RBFOX3: variants seen among roughly 807,000 people sequenced by gnomAD.
RBFOX3 encodes the protein RNA binding fox-1 homolog 3, also known as RNA binding protein fox-1 homolog 3.
A neutral mutation model predicts 48.7 loss-of-function variants in RBFOX3; 17 were observed. The ratio of observed to expected loss-of-function variants is 0.35; its 90% CI spans 0.24 to 0.52. The LOEUF (loss-of-function observed/expected upper bound fraction) is 0.52, where lower values mean the gene tolerates loss of function less well. RBFOX3 is among the 20% of genes least tolerant of loss of function. RBFOX3 has a pLI of 0.94. For missense variants in RBFOX3, 382 were observed against 497.5 expected, an observed-to-expected ratio of 0.77 and a Z score of 2.21; for synonymous variants, 212 against 209.5, an observed-to-expected ratio of 1.01 and a Z score of -0.10.
intron 1 of RBFOX3, among the ~76,000 whole-genome samples, chr17:79,522,718 T>C (rs2086275551): frequency 6.6e-6 from 1 of 151,644 alleles, no homozygotes; most frequent in Non-Finnish European, 1.5e-5. Context: ...TTACCTGAGG[T>C]CAGGAGTTTG....
chr17:79,496,136 C>A (rs1270699243), intron 1 of RBFOX3, among the ~76,000 whole-genome samples: 1 of 152,048 alleles, frequency 6.6e-6, no homozygotes, highest in Non-Finnish European at 1.5e-5. Flanking sequence ...GAGAGTCCCC[C>A]TCTCGGGCTG....
chr17:79,181,047 A>G (rs925356618), intron 4 of RBFOX3, among the ~76,000 whole-genome samples: 2 of 152,194 alleles, frequency 1.3e-5, no homozygotes, highest in African/African-American at 2.4e-5. Flanking sequence ...GCGCTGGTCT[A>G]ATTCTACCGA....
intron 1 of RBFOX3, among the ~76,000 whole-genome samples, chr17:79,543,530 C>T (rs1454272245): frequency 2.6e-5 from 4 of 152,254 alleles, no homozygotes; most frequent in East Asian, 1.9e-4. Flanking sequence ...CTCAGCTACT[C>T]GGCACAGAGC....
intron 1 of RBFOX3, among the ~76,000 whole-genome samples, chr17:79,498,562 C>G (rs2081920465): frequency 6.6e-6 from 1 of 151,084 alleles, no homozygotes; most frequent in African/African-American, 2.4e-5. Context: ...TCTACTCATG[C>G]ACCTATCCTT....
At chr17:79,160,436 G>A (rs1174807066) in intron 4 of RBFOX3, among the ~76,000 whole-genome samples, 1 of 152,218 alleles carries the variant, frequency 6.6e-6, no homozygotes, top group Non-Finnish European at 1.5e-5. Context: ...CAATTATCCT[G>A]TACGGCCAAG....
intron 5 of RBFOX3, among the ~76,000 whole-genome samples, chr17:79,113,895 T>C (rs1443275421): frequency 2.6e-5 from 4 of 152,168 alleles, no homozygotes. Flanking sequence ...TGTGTCCTGG[T>C]AGGCTGTGTC....
chr17:79,633,075 A>G, the RBFOX3 span, among the ~76,000 whole-genome samples: 1 of 152,262 alleles, frequency 6.6e-6, no homozygotes. Context: ...AAGTTCCTCA[A>G]GGAGAGTTTC....
the RBFOX3 span, among the ~76,000 whole-genome samples, chr17:79,648,215 C>T: frequency 6.6e-6 from 1 of 152,150 alleles, no homozygotes; most frequent in African/African-American, 2.4e-5. Flanking sequence ...GTCAGGGACA[C>T]TCAAGATGAG....
At chr17:79,581,370 G>A (rs1379613744) in intron 1 of RBFOX3, among the ~76,000 whole-genome samples, 2 of 152,262 alleles carry the variant, frequency 1.3e-5, no homozygotes, top group Admixed American at 1.3e-4. Context: ...TCGGGCTCAA[G>A]TGGATCTGAC....
At chr17:79,245,961 T>C (rs2063115069) in intron 3 of RBFOX3, among the ~76,000 whole-genome samples, 1 of 151,790 alleles carries the variant, frequency 6.6e-6, no homozygotes, top group Non-Finnish European at 1.5e-5. Flanking sequence ...TTTAAGACAA[T>C]GAGAATCACG....
chr17:79,641,707 C>A, the RBFOX3 span, among the ~76,000 whole-genome samples: 19 of 152,194 alleles, frequency 1.2e-4, no homozygotes, highest in Admixed American at 9.8e-4. Context: ...CCACCCAAAT[C>A]TCATGTCTAA....
At chr17:79,177,404 A>T (rs567059096) in intron 4 of RBFOX3, among the ~76,000 whole-genome samples, 2 of 152,338 alleles carry the variant, frequency 1.3e-5, no homozygotes, top group East Asian at 3.9e-4. Context: ...TCTAGCGGGC[A>T]GCAGACACCC....
At chr17:79,487,082 C>T (rs1338949051) in intron 1 of RBFOX3, among the ~76,000 whole-genome samples, 2 of 152,010 alleles carry the variant, frequency 1.3e-5, no homozygotes, top group African/African-American at 2.4e-5. Flanking sequence ...TGAGAGAGAC[C>T]GAGGGAGGGA....
At chr17:79,283,624 T>TGACA (rs900846869) in intron 3 of RBFOX3, among the ~76,000 whole-genome samples, 1 of 152,214 alleles carries the variant, frequency 6.6e-6, no homozygotes, top group Non-Finnish European at 1.5e-5. Context: ...TGTGTGCTTG[T>TGACA]GACAGGTCCT....
intron 1 of RBFOX3, among the ~76,000 whole-genome samples, chr17:79,557,753 G>T (rs952879038): frequency 6.6e-6 from 1 of 152,240 alleles, no homozygotes. Context: ...AGATGTCAGC[G>T]TATCGGGCAG....
At chr17:79,537,949 G>A in intron 1 of RBFOX3, among the ~76,000 whole-genome samples, 1 of 152,162 alleles carries the variant, frequency 6.6e-6, no homozygotes, top group Non-Finnish European at 1.5e-5. Context: ...CCGAGGAGAT[G>A]CTTCCCCTCA....
At chr17:79,312,942 G>T (rs1277256281) in intron 2 of RBFOX3, among the ~76,000 whole-genome samples, 1 of 152,144 alleles carries the variant, frequency 6.6e-6, no homozygotes, top group Non-Finnish European at 1.5e-5. Flanking sequence ...AGCCCTTTCT[G>T]CAGTATAACT....
At chr17:79,437,410 C>A (rs35393738) in intron 2 of RBFOX3, among the ~76,000 whole-genome samples, 4,373 of 152,314 alleles carry the variant, frequency 0.029, 88 homozygotes, top group Non-Finnish European at 0.041. Flanking sequence ...CAGGGAGGTG[C>A]GGGAAAGCCC....
intron 1 of RBFOX3, among the ~76,000 whole-genome samples, chr17:79,544,872 C>T (rs1355932196): frequency 6.6e-6 from 1 of 151,516 alleles, no homozygotes; most frequent in Non-Finnish European, 1.5e-5. Context: ...CCAACACCCG[C>T]ACCCCAAACT....
Sources: allele counts gnomAD v4.1 joint callset (sites outside exome capture counted in the v4.1 genomes callset), GRCh38; gene constraint gnomAD v4.1.1; transcripts MANE v1.5; gene names NCBI Gene and HGNC (gene_info 2026-07-23, HGNC 2026-07-21).